The following PAFAH2 variants were observed in gnomAD, a reference collection of about 807,000 sequenced individuals.
PAFAH2 encodes the protein platelet-activating factor acetylhydrolase 2, cytoplasmic.
A neutral mutation model predicts 49.0 loss-of-function variants in PAFAH2; 42 were observed. The ratio of observed to expected loss-of-function variants is 0.86; its 90% CI spans 0.67 to 1.11. The LOEUF (loss-of-function observed/expected upper bound fraction) is 1.11, where lower values mean the gene tolerates loss of function less well. Among genes scored for constraint, PAFAH2 ranks in the 50% least tolerant of loss-of-function variants. The pLI is 0.00. For missense variants in PAFAH2, 503 were observed against 501.8 expected (o/e 1.00, Z -0.02); for synonymous variants, 184 against 181.3 (o/e 1.01, Z -0.12).
At chr1:25,991,620 C>T (rs1455153933) in intron 1 of PAFAH2, among the ~76,000 whole-genome samples, 3 of 145,014 alleles carry the variant, frequency 2.1e-5, no homozygotes, top group African/African-American at 5.1e-5. Flanking sequence ...TGGCCAGGCA[C>T]GGTGGCTCAC....
intron 10 of PAFAH2, among the ~76,000 whole-genome samples, chr1:25,970,130 A>C (rs1377191977): frequency 6.6e-6 from 1 of 152,212 alleles, no homozygotes; most frequent in Non-Finnish European, 1.5e-5. Flanking sequence ...CTTGTGAGGA[A>C]TGTGAATGCA....
Position 25,984,026 on chromosome 1 carries a change from T to G in PAFAH2, c.472A>C (p.Asn158His), listed in dbSNP as rs762266624. ...KQAPEENQPTNESLQEEWIPF... is the reference protein window; with the variant it reads ...KQAPEENQPTHESLQEEWIPF... ...ATCCATTCCTCCTGCAGCGATTCATTGGTGGGCTGGTTCTCTTCTGGGGCC... is the reference window on the plus strand; with the variant it reads ...ATCCATTCCTCCTGCAGCGATTCATGGGTGGGCTGGTTCTCTTCTGGGGCC... Residue 158 changes from asparagine (N) to histidine (H), a missense_variant, in exon 6 of 11, where the codon AAT becomes CAT. Asn to His is a moderately conservative substitution (Grantham distance 68). Transcript: ENST00000374282. The G allele has an allele frequency of 6.2e-7, 1 of 1,614,012 alleles. No individual in the cohort carries two copies. The highest frequency in any genetic ancestry group is 8.5e-7 in the Non-Finnish European group (1 of 1,180,012).
intron 1 of PAFAH2, among the ~76,000 whole-genome samples, chr1:25,992,586 C>T (rs2049891118): frequency 1.3e-5 from 2 of 152,208 alleles, no homozygotes. Flanking sequence ...ATTCTTTCAA[C>T]AGTCCTCTGA....
Position 25,984,053 on chromosome 1 carries a change from G to A in PAFAH2, c.445C>T (p.Gln149Ter). 2 of 1,614,096 alleles carry A rather than the reference G, an allele frequency of 1.2e-6. No homozygotes were observed. Among genetic ancestry groups the A allele is most frequent in the Non-Finnish European group, 1.7e-6 (2 of 1,179,982 alleles). ...RSAATTYFCK[Q>*]APEENQPTNE... is the part of the protein sequence containing the mutation. ...GTGGGCTGGTTCTCTTCTGGGGCCT[G>A]CTTGCAGAAATAGGTGGTTGCCGCT... Residue 149 changes from glutamine to a stop codon, truncating the protein, a stop_gained, in exon 6 of 11, where the codon CAG becomes TAG. Transcript: ENST00000374282. LOFTEE classifies it high-confidence loss of function.
At chr1:25,980,625 A>G (rs1471688420) in intron 7 of PAFAH2, among the ~76,000 whole-genome samples, 1 of 147,318 alleles carries the variant, frequency 6.8e-6, no homozygotes, top group Non-Finnish European at 1.5e-5. Flanking sequence ...ATATATATAT[A>G]TATATATTTT....
intron 7 of PAFAH2, among the ~76,000 whole-genome samples, chr1:25,979,334 T>TTG (rs1375018435): frequency 1.3e-5 from 2 of 151,898 alleles, no homozygotes; most frequent in African/African-American, 2.4e-5. Flanking sequence ...TTTTTTTTTT[T>TTG]TGAGATAGTC....
At chr1:25,967,517 T>A (rs1316579309) in intron 10 of PAFAH2, among the ~76,000 whole-genome samples, 2 of 150,448 alleles carry the variant, frequency 1.3e-5, no homozygotes, top group Non-Finnish European at 3.0e-5. Context: ...ATCTCTGAAG[T>A]GAAGATGGGG....
intron 10 of PAFAH2, among the ~76,000 whole-genome samples, chr1:25,972,009 A>C (rs1340153600): frequency 7.9e-5 from 12 of 152,214 alleles, no homozygotes; most frequent in Admixed American, 7.9e-4. Context: ...CAAGGTTCAG[A>C]GAGGTTAAAT....
rs1381803050 is a variant in PAFAH2 at position 25,984,017 on chromosome 1, G to A, written c.481C>T (p.Leu161=). The change falls in exon 6 of 11, where the codon CTG becomes TTG. Residue 161 remains leucine (L), a synonymous_variant. Transcript: ENST00000374282. ...PEENQPTNES[L]QEEWIPFRRV... is the part of the protein sequence containing the mutation. Reference sequence around the variant, plus strand: ...CGGAAAGGGATCCATTCCTCCTGCAGCGATTCATTGGTGGGCTGGTTCTCT... The same window carrying A: ...CGGAAAGGGATCCATTCCTCCTGCAACGATTCATTGGTGGGCTGGTTCTCT... 12 of 1,614,070 alleles carry A rather than the reference G, an allele frequency of 7.4e-6. No homozygotes were observed. Among genetic ancestry groups the A allele is most frequent in the Non-Finnish European group, 1.0e-5 (12 of 1,180,038 alleles).
intron 7 of PAFAH2, among the ~76,000 whole-genome samples, chr1:25,981,772 G>A (rs112874641): frequency 0.033 from 5,013 of 152,278 alleles, 131 homozygotes; most frequent in Non-Finnish European, 0.048. Flanking sequence ...TGTAATCCCA[G>A]CACTTAGGGA....
At chr1:25,997,762 G>C (rs1483782628) in intron 1 of PAFAH2, 1 of 152,836 alleles carries the variant, frequency 6.5e-6, no homozygotes, top group African/African-American at 2.4e-5. Flanking sequence ...GGGCTGTGGG[G>C]TCCAAGGTGG....
chr1:25,996,987 T>G (rs187471650), intron 1 of PAFAH2, among the ~76,000 whole-genome samples: 5 of 152,318 alleles, frequency 3.3e-5, no homozygotes, highest in Admixed American at 3.3e-4. Flanking sequence ...CCAAAGCCAG[T>G]GTCTACTGAA....
chr1:25,974,301 A>G (rs995542561), intron 9 of PAFAH2, among the ~76,000 whole-genome samples, 179 bp downstream of exon 9: 1 of 152,200 alleles, frequency 6.6e-6, no homozygotes, highest in South Asian at 2.1e-4. Flanking sequence ...CTGTAGATGG[A>G]GCTCAGTGGA....
intron 10 of PAFAH2, among the ~76,000 whole-genome samples, chr1:25,970,172 A>G (rs975859627): frequency 6.6e-6 from 1 of 152,230 alleles, no homozygotes; most frequent in Non-Finnish European, 1.5e-5. Flanking sequence ...GCTAGTGTCC[A>G]GAGCACAGAG....
chr1:25,979,806 A>G (rs2049655159), intron 7 of PAFAH2, among the ~76,000 whole-genome samples: 3 of 152,152 alleles, frequency 2.0e-5, no homozygotes, highest in South Asian at 2.1e-4. Flanking sequence ...TTGTATTTTT[A>G]GTAGAAATGG....
chr1:25,991,661 G>A (rs1159602257), intron 1 of PAFAH2, among the ~76,000 whole-genome samples: 2 of 150,182 alleles, frequency 1.3e-5, no homozygotes, highest in Non-Finnish European at 1.5e-5. Flanking sequence ...GGGAGGTCGA[G>A]GCGGGCAGAT....
At chr1:25,966,672 A>G (rs12078456) in intron 10 of PAFAH2, among the ~76,000 whole-genome samples, 2,556 of 152,120 alleles carry the variant, frequency 0.017, 63 homozygotes, top group African/African-American at 0.058. Flanking sequence ...ACTGGATACA[A>G]TGTTCACTAT....
chr1:25,972,794 T>C, intron 9 of PAFAH2, 82 bp from the exon 10 acceptor site: 1 of 1,371,172 alleles, frequency 7.3e-7, no homozygotes, highest in Non-Finnish European at 1.0e-6. Context: ...ATGTGCAAGG[T>C]GCTTTTCATG....
chr1:25,982,021 C>CAA (rs748065781), intron 7 of PAFAH2, among the ~76,000 whole-genome samples: 4 of 95,364 alleles, frequency 4.2e-5, no homozygotes, highest in African/African-American at 1.2e-4. Flanking sequence ...ACTTTGTCTC[C>CAA]AAAAAAAAAA....
Sources: gnomAD v4.1 joint callset for allele counts (sites outside exome capture counted in the v4.1 genomes callset) on GRCh38, gnomAD v4.1.1 for gene constraint, MANE v1.5 for transcripts, NCBI Gene and HGNC (gene_info 2026-07-23, HGNC 2026-07-21) for gene names.